The following ADARB2 variants were observed in gnomAD, a reference collection of about 807,000 sequenced individuals.
ADARB2 encodes inactive double-stranded RNA-specific editase B2.
A neutral mutation model predicts 62.2 loss-of-function variants in ADARB2; 25 were observed. The ratio of observed to expected loss-of-function variants is 0.40; its 90% confidence interval spans 0.29 to 0.56. The LOEUF is 0.56. Among genes scored for constraint, ADARB2 ranks in the 20% least tolerant of loss-of-function variants. The pLI, the probability that ADARB2 is intolerant of heterozygous loss-of-function variation, is 0.43. For missense variants in ADARB2, 1,071 were observed against 1,077.4 expected, an observed-to-expected ratio of 0.99 and a Z score of 0.08; for synonymous variants, 572 against 500.8, an observed-to-expected ratio of 1.14 and a Z score of -1.90.
chr10:1,426,298 T>G lies in ADARB2; in HGVS notation c.101-47138A>C, dbSNP rs1296105869. Among the ~76,000 whole-genome samples, 1 of 152,140 alleles carries G rather than the reference T, an allele frequency of 6.6e-6. No individual in the cohort carries two copies. Among genetic ancestry groups the G allele is most frequent in the Non-Finnish European group, 1.5e-5 (1 of 68,034 alleles). ...CTGCGTGGTCCTCTGAAATGTACAG[T>G]TCTGTTGTCGTCACTGTGTATAAAC... On this transcript the variant is annotated intron_variant, in intron 1 of 9. Coordinates refer to ENST00000381312, the MANE Select transcript of ADARB2 (RefSeq NM_018702.4). The surrounding 1 kb of genome is among the most constrained non-coding windows in gnomAD (Gnocchi z 4.1).
intron 1 of ADARB2, among the ~76,000 whole-genome samples, chr10:1,455,028 T>G (rs1053486967): frequency 3.3e-5 from 5 of 152,360 alleles, no homozygotes; most frequent in African/African-American, 1.2e-4. Context: ...AACACGAGAC[T>G]GGAATCAAAC....
intron 1 of ADARB2, among the ~76,000 whole-genome samples, chr10:1,460,878 ACCTGAGTTTACCTGCGTTACG>A (rs1164877947): frequency 0.15 from 18,480 of 123,568 alleles, 3,920 homozygotes; most frequent in Middle Eastern, 0.26. Context: ...CCTGCCTGTG[ACCTGAGTTTACCTGCGTTACG>A]AACCTGCCTG....
intron 1 of ADARB2, among the ~76,000 whole-genome samples, chr10:1,594,238 C>G (rs1413106654): frequency 2.6e-5 from 4 of 152,156 alleles, no homozygotes; most frequent in Non-Finnish European, 5.9e-5. Flanking sequence ...TTGCAGGGAC[C>G]TGAGATCGTG....
intron 1 of ADARB2, among the ~76,000 whole-genome samples, chr10:1,563,435 G>C (rs1370792173): frequency 1.3e-5 from 2 of 152,246 alleles, no homozygotes; most frequent in East Asian, 3.9e-4. Context: ...CACATCAGAT[G>C]CTTGCTGCTG....
intron 2 of ADARB2, among the ~76,000 whole-genome samples, chr10:1,377,869 C>T (rs1234857742): frequency 6.6e-6 from 1 of 152,174 alleles, no homozygotes; most frequent in Admixed American, 6.5e-5. Context: ...ACCTCCATTT[C>T]CAGTATAGTT....
intron 1 of ADARB2, among the ~76,000 whole-genome samples, chr10:1,564,357 C>T (rs984630287): frequency 6.6e-6 from 1 of 152,194 alleles, no homozygotes; most frequent in Non-Finnish European, 1.5e-5. Flanking sequence ...TGGGCAAGGA[C>T]TTCATGTCTA....
chr10:1,585,946 A>C lies in ADARB2; in HGVS notation c.100+151105T>G, dbSNP rs180705103. 6.2e-3 allele frequency among the ~76,000 whole-genome samples: 944 copies of C among 152,296 alleles called. 9 individuals carry two copies. Among genetic ancestry groups the C allele is most frequent in the African/African-American group, 0.022 (901 of 41,580 alleles). ...CTACTTGGGAGGCTGAGGCAGGAGA[A>C]TGGTGTGAACCTGGGAGGCGGAGCT... On this transcript the variant is annotated intron_variant, in intron 1 of 9. Transcript: ENST00000381312.
intron 7 of ADARB2, among the ~76,000 whole-genome samples, chr10:1,214,295 T>C (rs1375912540): frequency 1.3e-5 from 2 of 148,386 alleles, no homozygotes; most frequent in Non-Finnish European, 3.0e-5. Context: ...TCTGGCGTTG[T>C]GTAGGTTTGC....
intron 2 of ADARB2, among the ~76,000 whole-genome samples, chr10:1,375,643 T>C (rs1017011164): frequency 1.3e-5 from 2 of 152,198 alleles, no homozygotes; most frequent in South Asian, 4.1e-4. Flanking sequence ...ACTCACAGGG[T>C]GTGAAACACG....
chr10:1,546,011 A>T (rs1259490338), intron 1 of ADARB2, among the ~76,000 whole-genome samples: 1 of 62,274 alleles, frequency 1.6e-5, no homozygotes, highest in Non-Finnish European at 4.2e-5. Flanking sequence ...TTAGTCCTTT[A>T]AAAAAAAAAA....
At chr10:1,614,504 A>G (rs545383362) in intron 1 of ADARB2, among the ~76,000 whole-genome samples, 3 of 152,378 alleles carry the variant, frequency 2.0e-5, no homozygotes, top group African/African-American at 7.2e-5. Context: ...AGTGAAATAA[A>G]AAGCAGATTT....
intron 5 of ADARB2, chr10:1,240,302 C>CCTCCAGGTGTTTACTCCCCTCTG (rs1830902150): frequency 4.8e-4 from 7 of 14,642 alleles, no homozygotes; most frequent in South Asian, 3.3e-3. Context: ...ACTCCCCTCT[C>CCTCCAGGTGTTTACTCCCCTCTG]CCTCCCGGTG....
intron 6 of ADARB2, among the ~76,000 whole-genome samples, chr10:1,220,351 G>A (rs1830682825): frequency 2.0e-5 from 3 of 151,282 alleles, no homozygotes; most frequent in African/African-American, 7.3e-5. Flanking sequence ...TGGTGATTGT[G>A]GTGATGATGG....
chr10:1,202,056 G>A (rs1443692975), intron 7 of ADARB2, among the ~76,000 whole-genome samples: 2 of 152,006 alleles, frequency 1.3e-5, no homozygotes, highest in African/African-American at 4.8e-5. Flanking sequence ...GAGATTTTTT[G>A]TAACTGAGCT....
intron 1 of ADARB2, among the ~76,000 whole-genome samples, chr10:1,656,546 G>GAT (rs1301155911): frequency 1.3e-5 from 2 of 152,082 alleles, no homozygotes; most frequent in Admixed American, 6.6e-5. Context: ...GAGAGAGAGA[G>GAT]AGAGCTGCTA....
chr10:1,387,697 T>A (rs920492301), intron 1 of ADARB2, among the ~76,000 whole-genome samples: 15 of 152,038 alleles, frequency 9.9e-5, no homozygotes, highest in South Asian at 4.1e-4. Context: ...ATACCAATTC[T>A]GTGCAAAATT....
chr10:1,437,978 C>T (rs1190188635), intron 1 of ADARB2, among the ~76,000 whole-genome samples: 1 of 152,224 alleles, frequency 6.6e-6, no homozygotes, highest in Non-Finnish European at 1.5e-5. Flanking sequence ...GCTGGCATGA[C>T]CCCGTTTACT....
At chr10:1,632,815 T>C (rs1008182368) in intron 1 of ADARB2, among the ~76,000 whole-genome samples, 8 of 152,236 alleles carry the variant, frequency 5.3e-5, no homozygotes, top group African/African-American at 1.7e-4. Flanking sequence ...AAGGCTCATC[T>C]TATGTGGCAA....
At chr10:1,201,506 T>C (rs1217185872) in intron 7 of ADARB2, among the ~76,000 whole-genome samples, 1 of 152,146 alleles carries the variant, frequency 6.6e-6, no homozygotes, top group East Asian at 1.9e-4. Flanking sequence ...TGTGCGAGCT[T>C]CTACCAGAGG....
Sources: allele counts gnomAD v4.1 joint callset (sites outside exome capture counted in the v4.1 genomes callset), GRCh38; gene constraint gnomAD v4.1.1; non-coding constraint Gnocchi (gnomAD v3.1); transcripts MANE v1.5; gene names NCBI Gene and HGNC (gene_info 2026-07-23, HGNC 2026-07-21).